The following ADNP variants were observed in gnomAD, a reference collection of about 807,000 sequenced individuals.
ADNP encodes activity-dependent neuroprotector homeobox protein.
Under a neutral mutation model 84.9 loss-of-function variants are expected in ADNP, and 4 were observed. That is an observed-to-expected ratio of 0.05 (90% CI 0.02 to 0.11). The LOEUF is 0.11. Ranked by LOEUF, ADNP falls within the 10% of genes least tolerant of loss-of-function variation. ADNP has a pLI of 1.00. For missense variants in ADNP, 1,132 were observed against 1,326.0 expected, an observed-to-expected ratio of 0.85 and a Z score of 2.27; for synonymous variants, 554 against 468.1, an observed-to-expected ratio of 1.18 and a Z score of -2.37.
At chr20:50,923,088 CA>C (rs923214068) in intron 2 of ADNP, among the ~76,000 whole-genome samples, 29 of 152,182 alleles carry the variant, frequency 1.9e-4, no homozygotes, top group Non-Finnish European at 1.3e-4. Context: ...TATATTATAA[CA>C]AAACACGGTA....
Position 50,904,233 on chromosome 20 carries a change from G to A in ADNP, c.-5-232C>T, listed in dbSNP as rs563068955. 1,189 of 494,790 alleles carry A rather than the reference G, an allele frequency of 2.4e-3. 4 individuals carry two copies. Among genetic ancestry groups the A allele is most frequent in the Non-Finnish European group, 2.8e-3 (777 of 273,254 alleles). The allele number at this position is 494,790 out of a possible 1,614,324, so 30.6% of individuals were successfully genotyped here. A position where few individuals can be genotyped will look rare whatever the true frequency, so the allele number is the denominator to read the frequency against. ...TCTTAAGACAGAGTCTTACTCTGTCGCGCAGGCTGGAGTGCAGTGCACTCA... is the reference window on the plus strand; with the variant it reads ...TCTTAAGACAGAGTCTTACTCTGTCACGCAGGCTGGAGTGCAGTGCACTCA... On this transcript the variant is annotated intron_variant, in intron 3 of 5. Coordinates refer to ENST00000621696, the MANE Select transcript of ADNP (RefSeq NM_001282531.3).
At position 50,891,488 on chromosome 20, in the gene ADNP, G is replaced by T. The variant is rs1283913077; in HGVS notation, c.3226C>A (p.Gln1076Lys). 1 of 1,612,434 alleles carries T rather than the reference G, an allele frequency of 6.2e-7. No individual in the cohort carries two copies. Among genetic ancestry groups the T allele is most frequent in the Non-Finnish European group, 8.5e-7 (1 of 1,180,028 alleles). Residue 1076 changes from glutamine (Q) to lysine (K), a missense_variant, in exon 6 of 6, where the codon CAG becomes AAG. Physicochemically the swap from Gln to Lys is moderately conservative, Grantham distance 53 (BLOSUM62 1). Transcript: ENST00000621696. ...ACTCCATCAGTCATGTTGTCAAACT[G>T]TTCCCCATCCTCACTGTCAATTGTG... ...NSTIDSEDGE[Q>K]FDNMTDGVAE... is the part of the protein sequence containing the mutation.
chr20:50,889,561 A>G lies in ADNP; in HGVS notation c.*1844T>C. 3.8e-6 allele frequency: 1 copy of G among 264,014 alleles called. No homozygotes were observed. Among genetic ancestry groups the G allele is most frequent in the Non-Finnish European group, 7.1e-6 (1 of 141,340 alleles). 16.4% of individuals were successfully genotyped at this position (264,014 alleles called of 1,614,324 possible). ...TTACATTTTAGGGAGAGGCTGGTCA[A>G]ATCTCTACTCTCTGGTAACAGCATT... On this transcript the variant is annotated 3_prime_UTR_variant, in exon 6 of 6. Coordinates refer to ENST00000621696, the MANE Select transcript of ADNP (RefSeq NM_001282531.3).
At chr20:50,899,873 T>C (rs527889751) in intron 5 of ADNP, among the ~76,000 whole-genome samples, 1 of 147,532 alleles carries the variant, frequency 6.8e-6, no homozygotes, top group Non-Finnish European at 1.5e-5. Flanking sequence ...TACAATTTTT[T>C]TTTTTTTTTT....
rs772962835 is a variant in ADNP at position 50,892,704 on chromosome 20, C to T, written c.2010G>A (p.Val670=). The T allele has an allele frequency of 6.2e-7, 1 of 1,614,184 alleles. No homozygotes were observed. The highest frequency in any genetic ancestry group is 8.5e-7 in the Non-Finnish European group (1 of 1,180,034). Residue 670 remains valine (V), a synonymous_variant, in exon 6 of 6, where the codon GTG becomes GTA. Transcript: ENST00000621696. Reference sequence around the variant, plus strand: ...TTGAGGCGGTCATGTTGCTGGTATACACACCAAGGCAATGGATACATTTGT... The same window carrying T: ...TTGAGGCGGTCATGTTGCTGGTATATACACCAAGGCAATGGATACATTTGT... ...LTYKCIHCLG[V]YTSNMTASTI...
intron 5 of ADNP, among the ~76,000 whole-genome samples, chr20:50,894,868 G>C (rs1262004252): frequency 3.9e-5 from 6 of 152,164 alleles, no homozygotes; most frequent in Admixed American, 2.0e-4. Context: ...TTGCACTCCA[G>C]CCTGGGCGAC....
At chr20:50,902,204 A>G in intron 4 of ADNP, 95 bp from the exon 5 acceptor site, 1 of 928,152 alleles carries the variant, frequency 1.1e-6, no homozygotes, top group Non-Finnish European at 1.7e-6. Flanking sequence ...AGATGGGGAG[A>G]GGCACAGGAA....
intron 2 of ADNP, chr20:50,914,171 A>C (rs914108813): frequency 1.3e-6 from 1 of 793,122 alleles, no homozygotes; most frequent in African/African-American, 1.7e-5. Flanking sequence ...GCCACAGCCA[A>C]GGGTAACTTC....
At chr20:50,929,668 G>C (rs370861250) in intron 1 of ADNP, among the ~76,000 whole-genome samples, 4 of 152,164 alleles carry the variant, frequency 2.6e-5, no homozygotes, top group East Asian at 3.9e-4. Context: ...CCATAAACCA[G>C]AAGCAACAAT....
At position 50,891,113 on chromosome 20, in the gene ADNP, AAT is replaced by A; in HGVS notation, c.*290_*291del. 1 of 1,184,170 alleles carries A rather than the reference AAT, an allele frequency of 8.4e-7. No homozygotes were observed. The highest frequency in any genetic ancestry group is 1.0e-6 in the Non-Finnish European group (1 of 957,018). 73.4% of individuals were successfully genotyped at this position (1,184,170 alleles called of 1,614,324 possible). On this transcript the variant is annotated 3_prime_UTR_variant, in exon 6 of 6. Coordinates refer to ENST00000621696, the MANE Select transcript of ADNP (RefSeq NM_001282531.3). ...ACCAATCATTTCACAGAGGGAAAGA[AAT>A]GTTGAAAAGGCAGATAAAATAAACC...
rs773922977 is a variant in ADNP at position 50,892,601 on chromosome 20, G to A, written c.2113C>T (p.Arg705Trp). The change falls in exon 6 of 6, where the codon CGG becomes TGG. Residue 705 changes from arginine (R) to tryptophan (W), a missense_variant. By Grantham distance (101) the Arg-to-Trp change is moderately radical (BLOSUM62 -3). Around this residue, in one of 10 missense-constraint regions of ADNP, gnomAD observed 101 missense variants for 78.5 expected, o/e 1.29. Transcript: ENST00000621696. Reference protein sequence around the residue: ...NGQDKTNAPSRLNQSPSLAPV... With the variant: ...NGQDKTNAPSWLNQSPSLAPV... ...GCCAGACTTGGAGACTGATTAAGCC[G>A]AGAGGGTGCATTTGTCTTATCCTGG... The A allele has an allele frequency of 6.2e-6, 10 of 1,614,112 alleles. No homozygotes were observed. The highest frequency in any genetic ancestry group is 2.2e-5 in the East Asian group (1 of 44,886).
At chr20:50,906,744 C>G (rs1450761122) in intron 2 of ADNP, among the ~76,000 whole-genome samples, 1 of 152,052 alleles carries the variant, frequency 6.6e-6, no homozygotes, top group Admixed American at 6.6e-5. Flanking sequence ...AGTGAGTATG[C>G]CCATAAGGGA....
At position 50,913,250 on chromosome 20, in the gene ADNP, C is replaced by CAAAAAAAAA. The variant is rs56911332; in HGVS notation, c.-89-8410_-89-8402dup. ...CCTGGGCAAGAGTGAGACTCTGTCTCAAAAAAAAAAAAAAAAAAAAAAAAA... is the reference window on the plus strand; with the variant it reads ...CCTGGGCAAGAGTGAGACTCTGTCTCAAAAAAAAAAAAAAAAAAAAAAAAAAAAAAAAAA... On this transcript the variant is annotated intron_variant, in intron 2 of 5. Coordinates refer to ENST00000621696, the MANE Select transcript of ADNP (RefSeq NM_001282531.3). Among the ~76,000 whole-genome samples the CAAAAAAAAA allele has an allele frequency of 3.5e-3, 149 of 42,890 alleles. 37 individuals are homozygous for CAAAAAAAAA. The highest frequency in any genetic ancestry group is 5.5e-3 in the East Asian group (10 of 1,812). 28.1% of individuals were successfully genotyped at this position (42,890 alleles called of 152,430 possible). A position where few individuals can be genotyped will look rare whatever the true frequency, so the allele number is the denominator to read the frequency against.
intron 2 of ADNP, among the ~76,000 whole-genome samples, chr20:50,926,628 T>C (rs1984306692): frequency 6.6e-6 from 1 of 152,190 alleles, no homozygotes; most frequent in Non-Finnish European, 1.5e-5. Flanking sequence ...GAACTTTTCA[T>C]CTGTATTTAA....
intron 2 of ADNP, among the ~76,000 whole-genome samples, chr20:50,924,365 G>T (rs1232972571): frequency 6.6e-6 from 1 of 152,168 alleles, no homozygotes; most frequent in Non-Finnish European, 1.5e-5. Context: ...GACGCCATTG[G>T]AATCCTTGGG....
intron 2 of ADNP, among the ~76,000 whole-genome samples, chr20:50,920,263 A>C (rs1983856977): frequency 2.9e-5 from 1 of 34,618 alleles, no homozygotes; most frequent in South Asian, 5.1e-4. Context: ...TTCCACCTCC[A>C]AAAAAAAAAA....
intron 5 of ADNP, among the ~76,000 whole-genome samples, chr20:50,894,835 T>G (rs887783110): frequency 6.6e-6 from 1 of 151,960 alleles, no homozygotes; most frequent in African/African-American, 2.4e-5. Flanking sequence ...GAGGTGGAGG[T>G]TGCAACGAGC....
chr20:50,894,278 T>C lies in ADNP; in HGVS notation c.436A>G (p.Lys146Glu), dbSNP rs1167536306. ...PSSSLSTFKD[K>E]NKNDGLKPKQ... ...GGTTTAAGGCCATCATTTTTGTTTT[T>C]ATCTTTGAAAGTGCTGAGGCTGCTA... Residue 146 changes from lysine (K) to glutamate (E), a missense_variant, in exon 6 of 6, where the codon AAA (lysine) becomes GAA (glutamate). Lys to Glu is a moderately conservative substitution (Grantham distance 56, BLOSUM62 1). This residue lies in a region of ADNP where 130 missense variants were observed against 183.7 expected (regional missense o/e 0.71). Coordinates refer to ENST00000621696, the MANE Select transcript of ADNP (RefSeq NM_001282531.3). The C allele has an allele frequency of 6.2e-7, 1 of 1,613,942 alleles. No individual in the cohort carries two copies. Among genetic ancestry groups the C allele is most frequent in the Non-Finnish European group, 8.5e-7 (1 of 1,179,962 alleles).
chr20:50,894,553 G>A (rs1981187007), intron 5 of ADNP, 41 bp from the exon 6 acceptor site: 1 of 1,540,110 alleles, frequency 6.5e-7, no homozygotes, highest in Admixed American at 2.2e-5. Flanking sequence ...TGCCACTTCA[G>A]ATAGGCAGTT....
Sources: gnomAD v4.1 joint callset for allele counts (sites outside exome capture counted in the v4.1 genomes callset) on GRCh38, gnomAD v4.1.1 for gene constraint, gnomAD v4.1.1 regional missense constraint, MANE v1.5 for transcripts, NCBI Gene and HGNC (gene_info 2026-07-23, HGNC 2026-07-21) for gene names.